Variants in KCNA6 observed in about 807,000 individuals in gnomAD.
KCNA6 encodes potassium voltage-gated channel subfamily A member 6.
KCNA6 carries 17 observed loss-of-function variants against 29.5 expected under a neutral mutation model. That is an observed-to-expected ratio of 0.58 (90% confidence interval 0.39 to 0.86). The LOEUF (loss-of-function observed/expected upper bound fraction) is 0.86. Among genes scored for constraint, KCNA6 ranks in the 40% least tolerant of loss-of-function variants. KCNA6 has a pLI of 0.00. For synonymous variants in KCNA6, 296 were observed against 304.7 expected (o/e 0.97, Z 0.30); for missense variants, 450 against 703.4 (o/e 0.64, Z 4.07).
At chr12:4,812,714 T>C (rs552459479) in exon 1 of KCNA6, 4 of 167,078 alleles carry the variant, frequency 2.4e-5, no homozygotes, top group Non-Finnish European at 4.4e-5. Flanking sequence ...AAAGCACACA[T>C]TGGATGGCAG....
At chr12:4,830,372 T>C in the KCNA6 span, among the ~76,000 whole-genome samples, 1 of 152,114 alleles carries the variant, frequency 6.6e-6, no homozygotes, top group Admixed American at 6.5e-5. Context: ...AATTCTCACA[T>C]CCACCACCAA....
chr12:4,817,118 G>GCCATGGGAA (rs531422105), downstream of KCNA6, among the ~76,000 whole-genome samples: 133 of 152,338 alleles, frequency 8.7e-4, 1 homozygote, highest in Non-Finnish European at 1.0e-3. Flanking sequence ...GTGTGTTATT[G>GCCATGGGAA]CCATGGGAAG....
At chr12:4,821,460 GTT>G in the KCNA6 span, among the ~76,000 whole-genome samples, 1 of 139,100 alleles carries the variant, frequency 7.2e-6, no homozygotes, top group African/African-American at 2.6e-5. Flanking sequence ...GTGTGTGTGT[GTT>G]TTGTTTTTCT....
the KCNA6 span, among the ~76,000 whole-genome samples, chr12:4,848,430 G>A: frequency 1.3e-5 from 2 of 150,106 alleles, no homozygotes; most frequent in African/African-American, 4.9e-5. Flanking sequence ...CCACTATTCT[G>A]ATTTATTTGT....
downstream of KCNA6, among the ~76,000 whole-genome samples, chr12:4,817,399 G>A (rs1946692787): frequency 6.6e-6 from 1 of 152,072 alleles, no homozygotes; most frequent in African/African-American, 2.4e-5. Context: ...ACTTTCCTGT[G>A]CTGGCCTTGA....
At chr12:4,824,515 A>G in the KCNA6 span, among the ~76,000 whole-genome samples, 1 of 152,254 alleles carries the variant, frequency 6.6e-6, no homozygotes, top group Non-Finnish European at 1.5e-5. Context: ...AGCAGAGAAT[A>G]TCCAGGGATT....
Position 4,811,487 on chromosome 12 carries a change from T to C in KCNA6, c.1446T>C (p.Cys482=), listed in dbSNP as rs1233672543. 1.9e-6 allele frequency: 3 copies of C among 1,614,148 alleles called. No homozygotes were observed. ...AAGGCCAGTATACCCACGTCACTTG[T>C]GGGCAGCCTGCGCCGGACCTGAGGG... The change falls in exon 1 of 1, where the codon TGT becomes TGC. Residue 482 remains cysteine (C), a synonymous_variant. Coordinates refer to ENST00000280684, the Ensembl canonical transcript of KCNA6. This position sits in a 1 kb window ranked among gnomAD's most constrained non-coding sequence, Gnocchi z 7.1.
the KCNA6 span, among the ~76,000 whole-genome samples, chr12:4,819,345 C>T: frequency 6.6e-6 from 1 of 152,370 alleles, no homozygotes; most frequent in Non-Finnish European, 1.5e-5. Context: ...CACAAGCCAG[C>T]CCCTGGCCCA....
chr12:4,834,083 A>T, the KCNA6 span, among the ~76,000 whole-genome samples: 1 of 151,812 alleles, frequency 6.6e-6, no homozygotes, highest in Non-Finnish European at 1.5e-5. Context: ...CACACCCACC[A>T]TGTCTGGCTA....
chr12:4,843,545 G>T, the KCNA6 span, among the ~76,000 whole-genome samples: 4 of 152,138 alleles, frequency 2.6e-5, no homozygotes, highest in African/African-American at 9.7e-5. Context: ...CAATAGTTAC[G>T]TTAGGCCATT....
the KCNA6 span, among the ~76,000 whole-genome samples, chr12:4,834,933 A>T: frequency 6.6e-6 from 1 of 152,188 alleles, no homozygotes; most frequent in Non-Finnish European, 1.5e-5. Flanking sequence ...GGTCTGACCC[A>T]AGGGACCAGG....
At chr12:4,846,851 TC>T in the KCNA6 span, among the ~76,000 whole-genome samples, 1 of 145,858 alleles carries the variant, frequency 6.9e-6, no homozygotes, top group Non-Finnish European at 1.5e-5. Context: ...CTATCTCAGC[TC>T]ACTGCAAGCT....
At chr12:4,818,642 C>T in the KCNA6 span, among the ~76,000 whole-genome samples, 2 of 152,122 alleles carry the variant, frequency 1.3e-5, no homozygotes, top group Non-Finnish European at 1.5e-5. Flanking sequence ...TAAAGGCACA[C>T]AGTAATGTGT....
the KCNA6 span, among the ~76,000 whole-genome samples, chr12:4,833,931 AT>A: frequency 0.35 from 49,295 of 141,826 alleles, 8,521 homozygotes; most frequent in Admixed American, 0.45. Flanking sequence ...TTTAAATTAA[AT>A]TTTTTTTTTT....
At chr12:4,845,218 G>A in the KCNA6 span, among the ~76,000 whole-genome samples, 1 of 152,146 alleles carries the variant, frequency 6.6e-6, no homozygotes, top group Non-Finnish European at 1.5e-5. Flanking sequence ...CTTCAGTAGG[G>A]TAAGAAAGGG....
chr12:4,837,383 G>A, the KCNA6 span, among the ~76,000 whole-genome samples: 2 of 152,212 alleles, frequency 1.3e-5, no homozygotes, highest in African/African-American at 2.4e-5. Context: ...AACCCACGGA[G>A]GGGGTCATGG....
Position 4,811,120 on chromosome 12 carries a change from A to G in KCNA6, c.1079A>G (p.Lys360Arg), listed in dbSNP as rs1478024917. ...ATCTTCAAGCTCTCCCGCCACTCCA[A>G]GGGGCTGCAGATCCTGGGCAAGACC... The change falls in exon 1 of 1, where the codon AAG (lysine) becomes AGG (arginine). Residue 360 changes from lysine (K) to arginine (R), a missense_variant. Transcript: ENST00000280684. The surrounding 1 kb of genome is among the most constrained non-coding windows in gnomAD (Gnocchi z 7.1). The G allele has an allele frequency of 6.2e-7, 1 of 1,614,064 alleles. No individual in the cohort carries two copies.
chr12:4,823,402 G>A, the KCNA6 span, among the ~76,000 whole-genome samples: 2 of 127,444 alleles, frequency 1.6e-5, no homozygotes, highest in African/African-American at 3.2e-5. Flanking sequence ...GATCAGACTT[G>A]AAAGGAAAAA....
Position 4,811,967 on chromosome 12 carries a change from G to T in KCNA6, c.*336G>T. 3.7e-6 allele frequency: 1 copy of T among 272,856 alleles called. No individual in the cohort carries two copies. The highest frequency in any genetic ancestry group is 7.4e-6 in the Non-Finnish European group (1 of 135,444). The allele number at this position is 272,856 out of a possible 1,614,324, so 16.9% of individuals were successfully genotyped here. The stretch of plus-strand genomic sequence containing the variant: ...GGGACTTACAATATCTCAAGGAACA[G>T]CAATGTCAACAGGATGGAAACCAGC... On this transcript the variant is annotated 3_prime_UTR_variant, in exon 1 of 1. Coordinates refer to ENST00000280684, the Ensembl canonical transcript of KCNA6. The surrounding 1 kb of genome is among the most constrained non-coding windows in gnomAD (Gnocchi z 7.1).
Sources: gnomAD v4.1 joint callset for allele counts (sites outside exome capture counted in the v4.1 genomes callset) on GRCh38, gnomAD v4.1.1 for gene constraint, Gnocchi (gnomAD v3.1) non-coding constraint, MANE v1.5 for transcripts, NCBI Gene and HGNC (gene_info 2026-07-23, HGNC 2026-07-21) for gene names.